Variants in CCDC144A observed in about 807,000 individuals in gnomAD.
The protein encoded by CCDC144A is coiled-coil domain-containing protein 144A.
A neutral mutation model predicts 143.8 loss-of-function variants in CCDC144A; 41 were observed. That is an observed-to-expected ratio of 0.29 (90% CI 0.22 to 0.37). The LOEUF (loss-of-function observed/expected upper bound fraction) is 0.37. Among genes scored for constraint, CCDC144A ranks in the 10% least tolerant of loss-of-function variants. The probability of loss-of-function intolerance (pLI) is 1.00; values close to 1 mark genes in which losing one functional copy is unlikely to be tolerated. For missense variants in CCDC144A, 637 were observed against 1,488.8 expected (o/e 0.43, Z 9.41); for synonymous variants, 242 against 517.9 (o/e 0.47, Z 7.23).
At chr17:16,696,050 C>G (rs573275582) in intron 2 of CCDC144A, among the ~76,000 whole-genome samples, 1 of 152,200 alleles carries the variant, frequency 6.6e-6, no homozygotes, top group South Asian at 2.1e-4. Flanking sequence ...AGTCTCACTC[C>G]GTCACCCAGG....
intron 6 of CCDC144A, 162 bp downstream of exon 6, chr17:16,711,977 A>C (rs1912476456): frequency 1.1e-6 from 1 of 912,964 alleles, no homozygotes; most frequent in South Asian, 1.7e-5. Flanking sequence ...CTAAAAATAC[A>C]AAATTAGCCA....
At chr17:16,689,081 C>T (rs2142736545), upstream of CCDC144A, among the ~76,000 whole-genome samples, 1 of 152,268 alleles carries the variant, frequency 6.6e-6, no homozygotes, top group South Asian at 2.1e-4. Context: ...TCTTAATTGT[C>T]CTCAAGAATT....
intron 15 of CCDC144A, among the ~76,000 whole-genome samples, chr17:16,769,761 A>G (rs1424494521): frequency 1.3e-5 from 2 of 150,390 alleles, no homozygotes; most frequent in Non-Finnish European, 3.0e-5. Flanking sequence ...GAGAGCTACT[A>G]TTTTTTGTCT....
intron 12 of CCDC144A, among the ~76,000 whole-genome samples, chr17:16,736,887 T>G (rs1466830116): frequency 6.6e-6 from 1 of 152,078 alleles, no homozygotes; most frequent in Non-Finnish European, 1.5e-5. Flanking sequence ...GAAAACATTT[T>G]ACCAGTGTGG....
At chr17:16,677,788 C>G in the CCDC144A span, among the ~76,000 whole-genome samples, 10 of 148,794 alleles carry the variant, frequency 6.7e-5, no homozygotes, top group Non-Finnish European at 7.4e-5. Context: ...GCCTGGGTAT[C>G]AGAGTGAAAC....
In CCDC144A at chr17:16,776,938, C is replaced by G. The variant is rs1243407210; in HGVS notation, c.*3305C>G. 6.9e-6 allele frequency: 1 copy of G among 144,680 alleles called. No homozygotes were observed. The highest frequency in any genetic ancestry group is 2.6e-5 in the African/African-American group (1 of 38,420). The allele number at this position is 144,680 out of a possible 1,614,324, so 9.0% of individuals were successfully genotyped here. A position where few individuals can be genotyped will look rare whatever the true frequency, so the allele number is the denominator to read the frequency against. On this transcript the variant is annotated 3_prime_UTR_variant, in exon 17 of 17. Coordinates refer to ENST00000399273, the MANE Select transcript of CCDC144A (RefSeq NM_001382000.1). ...GCAGAATGGGTAAGAATTCACCAAC[C>G]AAGTTGCTGCTGTCTTCAGGAGACT...
intron 2 of CCDC144A, among the ~76,000 whole-genome samples, chr17:16,693,605 G>T (rs1163400006): frequency 6.6e-6 from 1 of 152,136 alleles, no homozygotes; most frequent in Admixed American, 6.5e-5. Context: ...GTGAGCCACC[G>T]CGCCCGGCCA....
chr17:16,690,251 G>A lies in CCDC144A; in HGVS notation c.-150G>A, dbSNP rs1391228204. 1.9e-5 allele frequency: 10 copies of A among 538,198 alleles called. No homozygotes were observed. The highest frequency in any genetic ancestry group is 1.3e-4 in the Admixed American group (4 of 31,480). 33.3% of individuals were successfully genotyped at this position (538,198 alleles called of 1,614,324 possible). On this transcript the variant is annotated 5_prime_UTR_variant, in exon 1 of 17. Transcript: ENST00000399273. ...CTTGGCCTTACCCACGAGGCTTTGC[G>A]GTGGCTGTTGGCTTGGCGGTGGTCG...
chr17:16,725,002 A>ATTTTTTTTTTTTTTTTT (rs1167527388), intron 8 of CCDC144A, among the ~76,000 whole-genome samples: 3 of 37,284 alleles, frequency 8.0e-5, no homozygotes, highest in East Asian at 1.2e-3. Flanking sequence ...ATAGCTGGTA[A>ATTTTTTTTTTTTTTTTT]TTTTTTTTTT....
At chr17:16,690,811 A>T in intron 1 of CCDC144A, 67 bp downstream of exon 1, 2 of 1,503,180 alleles carry the variant, frequency 1.3e-6, no homozygotes, top group Non-Finnish European at 1.8e-6. Context: ...CGCAGGCCCC[A>T]CGGCACCCGG....
the CCDC144A span, among the ~76,000 whole-genome samples, chr17:16,673,019 A>C: frequency 6.6e-6 from 1 of 152,156 alleles, no homozygotes; most frequent in Admixed American, 6.5e-5. Context: ...AAATTATTCT[A>C]GTTTTAAATT....
chr17:16,724,256 G>A (rs1201604227), intron 8 of CCDC144A, among the ~76,000 whole-genome samples: 1 of 152,048 alleles, frequency 6.6e-6, no homozygotes, highest in East Asian at 1.9e-4. Context: ...ATTGATTGCA[G>A]GCCGGGTGCA....
chr17:16,718,187 AT>A (rs1217300116), intron 6 of CCDC144A, among the ~76,000 whole-genome samples: 2 of 152,232 alleles, frequency 1.3e-5, no homozygotes, highest in Non-Finnish European at 2.9e-5. Context: ...AGCAGTTTGA[AT>A]AAATAATTGC....
At chr17:16,767,035 C>G (rs1388726132) in intron 15 of CCDC144A, 1 of 152,444 alleles carries the variant, frequency 6.6e-6, no homozygotes, top group Admixed American at 6.5e-5. Context: ...AGGCTCACAC[C>G]TGTAATCCCA....
intron 12 of CCDC144A, chr17:16,737,503 G>A: frequency 7.9e-7 from 1 of 1,262,366 alleles, no homozygotes; most frequent in Non-Finnish European, 1.0e-6. Context: ...ATAATAAGGT[G>A]ATTTATAAAT....
At chr17:16,759,859 A>G (rs1274308913) in intron 12 of CCDC144A, among the ~76,000 whole-genome samples, 5 of 152,218 alleles carry the variant, frequency 3.3e-5, no homozygotes, top group Admixed American at 2.6e-4. Context: ...AACAACATCT[A>G]TTTTGTTCAC....
At chr17:16,768,297 A>G (rs994945867) in intron 15 of CCDC144A, among the ~76,000 whole-genome samples, 4 of 152,212 alleles carry the variant, frequency 2.6e-5, no homozygotes, top group Admixed American at 6.5e-5. Context: ...GAGATCCCCA[A>G]TAAAACTTGT....
At chr17:16,755,618 G>A (rs1369632088) in intron 12 of CCDC144A, among the ~76,000 whole-genome samples, 1 of 152,198 alleles carries the variant, frequency 6.6e-6, no homozygotes, top group East Asian at 1.9e-4. Context: ...GGAGTTCAGT[G>A]GCATGATCTC....
chr17:16,688,731 A>G (rs1250907848), upstream of CCDC144A, among the ~76,000 whole-genome samples: 1 of 151,918 alleles, frequency 6.6e-6, no homozygotes, highest in Non-Finnish European at 1.5e-5. Context: ...CTCATGATCT[A>G]CCTGCCTCTG....
Sources: gnomAD v4.1 joint callset for allele counts (sites outside exome capture counted in the v4.1 genomes callset) on GRCh38, gnomAD v4.1.1 for gene constraint, MANE v1.5 for transcripts, NCBI Gene and HGNC (gene_info 2026-07-23, HGNC 2026-07-21) for gene names.